PPP1R16B: variants seen among roughly 807,000 people sequenced by gnomAD.
PPP1R16B encodes protein phosphatase 1 regulatory inhibitor subunit 16B.
A neutral mutation model predicts 61.7 loss-of-function variants in PPP1R16B; 14 were observed. The ratio of observed to expected loss-of-function variants is 0.23; its 90% CI spans 0.15 to 0.35. The LOEUF (loss-of-function observed/expected upper bound fraction) is 0.35, where lower values mean the gene tolerates loss of function less well. PPP1R16B is among the 10% of genes least tolerant of loss of function. The pLI is 1.00. For synonymous variants in PPP1R16B, 266 were observed against 305.3 expected (o/e 0.87, Z 1.34); for missense variants, 547 against 752.5 (o/e 0.73, Z 3.19).
chr20:38,904,698 G>A (rs1395693650), intron 6 of PPP1R16B, among the ~76,000 whole-genome samples: 1 of 151,742 alleles, frequency 6.6e-6, no homozygotes, highest in African/African-American at 2.4e-5. Context: ...CCAGGATGAG[G>A]TGGCATCTGA....
chr20:38,843,513 A>G (rs565328375), intron 2 of PPP1R16B, among the ~76,000 whole-genome samples: 7 of 152,330 alleles, frequency 4.6e-5, no homozygotes, highest in African/African-American at 1.7e-4. Context: ...TTCTCTCAGC[A>G]TGGCAGGTGG....
Position 38,906,031 on chromosome 20 carries a change from G to C in PPP1R16B, c.759G>C (p.Val253=). 6.2e-7 allele frequency: 1 copy of C among 1,613,748 alleles called. No individual in the cohort carries two copies. Among genetic ancestry groups the C allele is most frequent in the Non-Finnish European group, 8.5e-7 (1 of 1,179,932 alleles). Residue 253 remains valine (V), a synonymous_variant, in exon 7 of 11, where the codon GTG becomes GTC. Transcript: ENST00000299824. ...CTGAGCTCCTCCTGGACCATGGAGTGCGTGTGGATGTGAAGGACTGGGATG... is the reference window on the plus strand; with the variant it reads ...CTGAGCTCCTCCTGGACCATGGAGTCCGTGTGGATGTGAAGGACTGGGATG... ...RAAELLLDHG[V]RVDVKDWDGW... is the part of the protein sequence containing the mutation.
At chr20:38,896,179 T>TCCC (rs1228218885) in intron 4 of PPP1R16B, among the ~76,000 whole-genome samples, 1 of 83,116 alleles carries the variant, frequency 1.2e-5, no homozygotes, top group South Asian at 4.5e-4. Flanking sequence ...TCCTTCTTTC[T>TCCC]TCCCTCCCTT....
chr20:38,808,379 A>G (rs1207869704), intron 1 of PPP1R16B, among the ~76,000 whole-genome samples: 4 of 151,690 alleles, frequency 2.6e-5, no homozygotes, highest in African/African-American at 9.7e-5. Flanking sequence ...CCCCTCTCCC[A>G]ACCTAGCCAC....
At chr20:38,821,070 C>A (rs2084770804) in intron 1 of PPP1R16B, among the ~76,000 whole-genome samples, 3 of 150,760 alleles carry the variant, frequency 2.0e-5, no homozygotes, top group Non-Finnish European at 4.4e-5. Flanking sequence ...TTTGGCCATT[C>A]TGATAGATTT....
chr20:38,807,939 G>A (rs1355378937), intron 1 of PPP1R16B, among the ~76,000 whole-genome samples: 2 of 152,098 alleles, frequency 1.3e-5, no homozygotes, highest in East Asian at 1.9e-4. Context: ...GACACGGTAG[G>A]CAAGGCCCTG....
intron 2 of PPP1R16B, among the ~76,000 whole-genome samples, chr20:38,867,451 G>T (rs2085097992): frequency 6.6e-6 from 1 of 152,126 alleles, no homozygotes; most frequent in Non-Finnish European, 1.5e-5. Context: ...TTGCCTATTG[G>T]GTGAACTTGG....
intron 1 of PPP1R16B, among the ~76,000 whole-genome samples, chr20:38,826,033 A>T (rs1198276290): frequency 6.6e-6 from 1 of 152,156 alleles, no homozygotes; most frequent in Non-Finnish European, 1.5e-5. Flanking sequence ...TTTGGTCATG[A>T]GTGTTGTGCT....
intron 3 of PPP1R16B, among the ~76,000 whole-genome samples, chr20:38,894,815 C>T (rs568435083): frequency 1.3e-5 from 2 of 152,300 alleles, no homozygotes; most frequent in East Asian, 3.9e-4. Flanking sequence ...GCCTGGGGGC[C>T]ACCTGTGTTG....
intron 10 of PPP1R16B, among the ~76,000 whole-genome samples, chr20:38,912,503 CA>C (rs58456397): frequency 0.11 from 8,574 of 80,982 alleles, 367 homozygotes; most frequent in African/African-American, 0.22. Context: ...TACCCCCCAC[CA>C]AAAAAAAAAA....
chr20:38,904,508 A>T (rs1208432062), intron 6 of PPP1R16B, among the ~76,000 whole-genome samples: 2 of 152,166 alleles, frequency 1.3e-5, no homozygotes, highest in East Asian at 3.8e-4. Flanking sequence ...CCACTATTCC[A>T]CTCATACCTT....
intron 1 of PPP1R16B, among the ~76,000 whole-genome samples, chr20:38,833,474 T>C (rs564046535): frequency 6.6e-6 from 1 of 152,382 alleles, no homozygotes; most frequent in East Asian, 1.9e-4. Flanking sequence ...CTGGCTGTGA[T>C]ACTGTATAGT....
intron 1 of PPP1R16B, among the ~76,000 whole-genome samples, chr20:38,812,322 C>G (rs973501358): frequency 2.0e-5 from 3 of 152,174 alleles, no homozygotes; most frequent in Non-Finnish European, 4.4e-5. Context: ...ATTTGCCAAG[C>G]TGGGGCACAG....
At chr20:38,877,935 G>T (rs1354596659) in intron 2 of PPP1R16B, among the ~76,000 whole-genome samples, 2 of 104,788 alleles carry the variant, frequency 1.9e-5, no homozygotes, top group Admixed American at 1.1e-4. Flanking sequence ...TATATCTCTT[G>T]TAAGCAGCAC....
At chr20:38,881,760 A>C (rs2085205127) in intron 2 of PPP1R16B, among the ~76,000 whole-genome samples, 1 of 152,172 alleles carries the variant, frequency 6.6e-6, no homozygotes, top group African/African-American at 2.4e-5. Flanking sequence ...CTTTATTGGC[A>C]ATGTTCTTGA....
At chr20:38,892,655 A>C (rs1481665036) in intron 3 of PPP1R16B, among the ~76,000 whole-genome samples, 1 of 152,150 alleles carries the variant, frequency 6.6e-6, no homozygotes, top group Non-Finnish European at 1.5e-5. Flanking sequence ...GAGGTAATGC[A>C]GTGTGGTCAG....
At chr20:38,812,946 T>G (rs2084710697) in intron 1 of PPP1R16B, among the ~76,000 whole-genome samples, 1 of 152,180 alleles carries the variant, frequency 6.6e-6, no homozygotes, top group Admixed American at 6.5e-5. Flanking sequence ...GGGCTGGGTA[T>G]GGAGTTTTCT....
intron 2 of PPP1R16B, among the ~76,000 whole-genome samples, chr20:38,872,549 C>T (rs78453872): frequency 2.0e-5 from 3 of 152,220 alleles, no homozygotes; most frequent in South Asian, 4.2e-4. Context: ...TTGTTAGACA[C>T]CCCCCTCCTG....
chr20:38,809,272 G>T (rs79494908), intron 1 of PPP1R16B, among the ~76,000 whole-genome samples: 2,204 of 152,192 alleles, frequency 0.014, 58 homozygotes, highest in African/African-American at 0.05. Flanking sequence ...TCACTCCTGG[G>T]AACTTGAGTC....
Sources: allele counts gnomAD v4.1 joint callset (sites outside exome capture counted in the v4.1 genomes callset), GRCh38; gene constraint gnomAD v4.1.1; transcripts MANE v1.5; gene names NCBI Gene and HGNC (gene_info 2026-07-23, HGNC 2026-07-21).